Variants in IL1RAPL1 observed in about 807,000 individuals in gnomAD.
IL1RAPL1 encodes the protein interleukin-1 receptor accessory protein-like 1.
IL1RAPL1 carries 3 observed loss-of-function variants against 48.4 expected under a neutral mutation model. The ratio of observed to expected loss-of-function variants is 0.06; its 90% CI spans 0.03 to 0.16. The LOEUF is 0.16. IL1RAPL1 is among the 10% of genes least tolerant of loss of function. IL1RAPL1 has a pLI of 1.00. For synonymous variants in IL1RAPL1, 185 were observed against 187.7 expected (o/e 0.99, Z 0.12); for missense variants, 349 against 530.6 (o/e 0.66, Z 3.36).
intron 2 of IL1RAPL1, among the ~76,000 whole-genome samples, chrX:29,255,946 G>A (rs1421681775): frequency 9.0e-6 from 1 of 111,320 alleles, no homozygotes; most frequent in Non-Finnish European, 1.9e-5. Flanking sequence ...TTTGCTAGAA[G>A]AATTTATTTT....
chrX:29,123,151 TCCCAAGTAGCTGGAACTACAAG>T (rs1350646515), intron 2 of IL1RAPL1, among the ~76,000 whole-genome samples: 1 of 109,820 alleles, frequency 9.1e-6, no homozygotes, highest in Non-Finnish European at 1.9e-5. Context: ...TGCCTCAGCC[TCCCAAGTAGCTGGAACTACAAG>T]TGCCTGCCCC....
At chrX:29,885,802 G>C (rs138421568) in intron 6 of IL1RAPL1, among the ~76,000 whole-genome samples, 1,573 of 111,469 alleles carry the variant, frequency 0.014, 34 homozygotes, top group African/African-American at 0.048. Flanking sequence ...CTAGGTGACA[G>C]AGCAAGACCC....
chrX:28,891,195 TTTAA>T (rs1051581630), intron 2 of IL1RAPL1, among the ~76,000 whole-genome samples: 3 of 111,915 alleles, frequency 2.7e-5, no homozygotes, highest in Non-Finnish European at 3.8e-5. Flanking sequence ...GGTCTCTTGA[TTTAA>T]TTAATTAATT....
chrX:28,618,918 A>G (rs1271958567), intron 1 of IL1RAPL1, among the ~76,000 whole-genome samples: 1 of 111,374 alleles, frequency 9.0e-6, no homozygotes, highest in Admixed American at 9.6e-5. Context: ...GGACTCAGCA[A>G]GAATGTAATC....
At chrX:28,779,605 G>A (rs1936395278) in intron 1 of IL1RAPL1, among the ~76,000 whole-genome samples, 1 of 88,974 alleles carries the variant, frequency 1.1e-5, no homozygotes, top group South Asian at 5.9e-4. Flanking sequence ...ATCAGGTACA[G>A]AGTGATACTA....
At chrX:29,708,140 G>A (rs1273843932) in intron 6 of IL1RAPL1, among the ~76,000 whole-genome samples, 2 of 110,212 alleles carry the variant, frequency 1.8e-5, no homozygotes, top group Non-Finnish European at 3.8e-5. Context: ...AATAATAATT[G>A]TGTATATTTT....
chrX:28,634,402 CACGTATGTATACATATAT>C (rs1254389906), intron 1 of IL1RAPL1, among the ~76,000 whole-genome samples: 1 of 108,204 alleles, frequency 9.2e-6, no homozygotes, highest in Non-Finnish European at 1.9e-5. Flanking sequence ...TATACGTATA[CACGTATGTATACATATAT>C]ACGTATGTAT....
chrX:29,203,668 G>A (rs1179053503), intron 2 of IL1RAPL1, among the ~76,000 whole-genome samples: 1 of 104,673 alleles, frequency 9.6e-6, no homozygotes, highest in Non-Finnish European at 1.9e-5. Context: ...GCAGTGAGCT[G>A]AGATCGTACC....
At chrX:29,478,011 T>G (rs1255898764) in intron 5 of IL1RAPL1, among the ~76,000 whole-genome samples, 3 of 111,751 alleles carry the variant, frequency 2.7e-5, no homozygotes, top group Admixed American at 9.4e-5. Flanking sequence ...TTTAAAGATA[T>G]GCAAATTAAA....
intron 6 of IL1RAPL1, among the ~76,000 whole-genome samples, chrX:29,776,586 T>A (rs1300708031): frequency 8.9e-6 from 1 of 112,034 alleles, no homozygotes; most frequent in Non-Finnish European, 1.9e-5. Flanking sequence ...GAAATAAAAA[T>A]TTATAGTCAG....
At chrX:29,231,378 T>A (rs1931200031) in intron 2 of IL1RAPL1, among the ~76,000 whole-genome samples, 1 of 111,852 alleles carries the variant, frequency 8.9e-6, no homozygotes, top group South Asian at 3.7e-4. Flanking sequence ...CTGAGTTCGC[T>A]GAAGCTTGTA....
At position 28,663,496 on chromosome X, in the gene IL1RAPL1, C is replaced by G. The variant is rs1445187501; in HGVS notation, c.-25+75449C>G. ...GGGATTGTATTTTGTATGTCTGTTTCATTTTTCAAGTCATTGGCATTGCGT... is the reference window on the plus strand; with the variant it reads ...GGGATTGTATTTTGTATGTCTGTTTGATTTTTCAAGTCATTGGCATTGCGT... On this transcript the variant is annotated intron_variant, in intron 1 of 10. Transcript: ENST00000378993. 1.8e-5 allele frequency among the ~76,000 whole-genome samples: 2 copies of G among 112,130 alleles called. 1 individual carries two copies. The highest frequency in any genetic ancestry group is 3.8e-5 in the Non-Finnish European group (2 of 53,275).
intron 5 of IL1RAPL1, among the ~76,000 whole-genome samples, chrX:29,488,435 T>TCAA (rs754305190): frequency 0.012 from 1,378 of 111,823 alleles, 12 homozygotes; most frequent in Middle Eastern, 0.033. Context: ...AGACTCCATC[T>TCAA]CAACAACAAC....
At chrX:29,049,833 G>A (rs1927054252) in intron 2 of IL1RAPL1, among the ~76,000 whole-genome samples, 1 of 111,950 alleles carries the variant, frequency 8.9e-6, no homozygotes, top group South Asian at 3.7e-4. Flanking sequence ...ATCCAATTTT[G>A]CTAAATGCAA....
intron 5 of IL1RAPL1, among the ~76,000 whole-genome samples, chrX:29,593,022 C>T (rs1923430424): frequency 8.9e-6 from 1 of 112,476 alleles, no homozygotes; most frequent in African/African-American, 3.2e-5. Flanking sequence ...ATCCACGCTG[C>T]TTACAGGGAA....
At chrX:29,683,300 G>A (rs933127271) in intron 6 of IL1RAPL1, among the ~76,000 whole-genome samples, 8 of 111,792 alleles carry the variant, frequency 7.2e-5, no homozygotes, top group African/African-American at 9.8e-5. Flanking sequence ...TTATAATCTC[G>A]GTTAACCTCT....
chrX:28,881,844 A>G (rs1027065894), intron 2 of IL1RAPL1, among the ~76,000 whole-genome samples: 2 of 111,049 alleles, frequency 1.8e-5, no homozygotes, highest in African/African-American at 6.6e-5. Context: ...GAGGGGCAAA[A>G]AGTAAAAAGA....
intron 5 of IL1RAPL1, among the ~76,000 whole-genome samples, chrX:29,417,922 C>T (rs1224663652): frequency 1.9e-5 from 2 of 107,071 alleles, no homozygotes; most frequent in Non-Finnish European, 3.8e-5. Flanking sequence ...ATTTCTATTA[C>T]CCACCCTCAG....
chrX:29,232,050 T>A (rs1156403835), intron 2 of IL1RAPL1, among the ~76,000 whole-genome samples: 1 of 111,791 alleles, frequency 8.9e-6, no homozygotes, highest in East Asian at 2.8e-4. Context: ...TTGCATCTTG[T>A]CTTAATGTCG....
Sources: allele counts gnomAD v4.1 joint callset (sites outside exome capture counted in the v4.1 genomes callset), GRCh38; gene constraint gnomAD v4.1.1; transcripts MANE v1.5; gene names NCBI Gene and HGNC (gene_info 2026-07-23, HGNC 2026-07-21).